Variants in AFF1 observed in about 807,000 individuals in gnomAD.
AFF1 encodes the protein AF4/FMR2 family member 1.
Under a neutral mutation model 121.7 loss-of-function variants are expected in AFF1, and 48 were observed. The observed-to-expected ratio is 0.39, with a 90% CI of 0.31 to 0.50. AFF1 has a LOEUF of 0.50. AFF1 is among the 20% of genes least tolerant of loss of function. The probability of loss-of-function intolerance (pLI) is 0.76; values close to 1 mark genes in which losing one functional copy is unlikely to be tolerated. For synonymous variants in AFF1, 613 were observed against 563.0 expected (o/e 1.09, Z -1.26); for missense variants, 1,523 against 1,511.7 (o/e 1.01, Z -0.12).
intron 2 of AFF1, among the ~76,000 whole-genome samples, chr4:87,011,887 A>AC (rs1726801186): frequency 6.6e-6 from 1 of 152,210 alleles, no homozygotes; most frequent in Non-Finnish European, 1.5e-5. Flanking sequence ...TGGCAAAACT[A>AC]ACTCAAGTGA....
At chr4:86,958,809 C>T (rs1252981491) in intron 2 of AFF1, among the ~76,000 whole-genome samples, 1 of 152,156 alleles carries the variant, frequency 6.6e-6, no homozygotes, top group East Asian at 1.9e-4. Context: ...GGTTTTGTTT[C>T]TTGAGTCTTA....
chr4:86,936,076 TCTC>T (rs1304868200), intron 1 of AFF1: 1 of 152,106 alleles, frequency 6.6e-6, no homozygotes, highest in Non-Finnish European at 1.5e-5. Flanking sequence ...TCCCGGAGCT[TCTC>T]CACCACCAGC....
At chr4:87,123,185 C>T (rs527898081) in intron 12 of AFF1, among the ~76,000 whole-genome samples, 9 of 152,306 alleles carry the variant, frequency 5.9e-5, no homozygotes, top group East Asian at 3.9e-4. Flanking sequence ...TGAGCCACCG[C>T]GCCCAGCCTA....
intron 2 of AFF1, among the ~76,000 whole-genome samples, chr4:86,985,507 CAAAA>C (rs34276113): frequency 1.0e-5 from 1 of 96,504 alleles, no homozygotes. Context: ...GACACTGTCT[CAAAA>C]AAAAAAAAAA....
Position 87,137,937 on chromosome 4 carries a change from C to T in AFF1, c.*2236C>T, listed in dbSNP as rs2149811551. On this transcript the variant is annotated 3_prime_UTR_variant, in exon 21 of 21. Coordinates refer to ENST00000395146, the MANE Select transcript of AFF1 (RefSeq NM_001166693.3). ...GCATGTGCGTGTTCTGTTGGCAAGC[C>T]ACAGTGCTCCCTTGACTGAAGACAT... The T allele has an allele frequency of 4.3e-6, 1 of 231,716 alleles. No individual in the cohort carries two copies. The allele number at this position is 231,716 out of a possible 1,614,324, so 14.4% of individuals were successfully genotyped here. A position where few individuals can be genotyped will look rare whatever the true frequency, so the allele number is the denominator to read the frequency against.
At chr4:87,115,384 G>A in intron 12 of AFF1, 85 bp downstream of exon 12, 1 of 1,330,254 alleles carries the variant, frequency 7.5e-7, no homozygotes, top group Non-Finnish European at 1.0e-6. Flanking sequence ...CTTTGATTTA[G>A]GCCCAGTTGA....
chr4:87,036,798 A>G (rs1000293800), intron 2 of AFF1: 9 of 515,456 alleles, frequency 1.7e-5, no homozygotes, highest in Non-Finnish European at 3.5e-5. Flanking sequence ...CTAATATGGC[A>G]GCAAGTATCT....
intron 5 of AFF1, among the ~76,000 whole-genome samples, chr4:87,089,337 A>C (rs990808842): frequency 6.6e-6 from 1 of 152,236 alleles, no homozygotes; most frequent in Non-Finnish European, 1.5e-5. Context: ...AGATACATAT[A>C]TCAATTGTAA....
chr4:86,943,888 G>T (rs2149444366), intron 1 of AFF1, among the ~76,000 whole-genome samples: 1 of 152,208 alleles, frequency 6.6e-6, no homozygotes, highest in Non-Finnish European at 1.5e-5. Flanking sequence ...CTTGAACCCT[G>T]AAGCGGAGGT....
intron 2 of AFF1, among the ~76,000 whole-genome samples, chr4:86,962,145 C>CTTTTT (rs3035474): frequency 3.3e-5 from 4 of 122,574 alleles, no homozygotes; most frequent in Non-Finnish European, 3.4e-5. Flanking sequence ...GTTATTGTTT[C>CTTTTT]TTTTTTTTTT....
At chr4:86,959,023 T>C (rs1223290847) in intron 2 of AFF1, among the ~76,000 whole-genome samples, 1 of 152,226 alleles carries the variant, frequency 6.6e-6, no homozygotes, top group East Asian at 1.9e-4. Flanking sequence ...TAGAGAGATT[T>C]TTAGTCATCA....
At chr4:87,116,179 G>A (rs1413515747) in intron 12 of AFF1, among the ~76,000 whole-genome samples, 2 of 152,160 alleles carry the variant, frequency 1.3e-5, no homozygotes, top group African/African-American at 2.4e-5. Flanking sequence ...ATAATGGCAC[G>A]TTGCAAAGTG....
chr4:87,052,974 A>G (rs923382376), intron 4 of AFF1, among the ~76,000 whole-genome samples: 3 of 152,076 alleles, frequency 2.0e-5, no homozygotes. Context: ...TAAGAACTCT[A>G]GTTGGGTCAT....
intron 15 of AFF1, 46 bp downstream of exon 15, chr4:87,127,163 G>GTT (rs1491191362): frequency 8.6e-6 from 10 of 1,156,286 alleles, no homozygotes; most frequent in East Asian, 6.4e-5. Flanking sequence ...GTTTTGTTTT[G>GTT]CTTCCCCCCC....
intron 2 of AFF1, among the ~76,000 whole-genome samples, chr4:87,030,722 A>G (rs1219615907): frequency 2.0e-5 from 3 of 152,024 alleles, no homozygotes; most frequent in Non-Finnish European, 4.4e-5. Context: ...GATATGTGGA[A>G]GTCTTGAAAA....
intron 20 of AFF1, among the ~76,000 whole-genome samples, chr4:87,135,293 C>CT (rs775713790): frequency 1.3e-4 from 20 of 150,196 alleles, no homozygotes; most frequent in Admixed American, 4.0e-4. Context: ...ATGCTTTTAA[C>CT]TTTTTTTTTT....
intron 2 of AFF1, among the ~76,000 whole-genome samples, chr4:87,022,270 G>C (rs543934768): frequency 5.7e-4 from 86 of 149,582 alleles, no homozygotes; most frequent in African/African-American, 2.0e-3. Context: ...AAATAGCCCA[G>C]TTAACATTGA....
intron 15 of AFF1, 122 bp from the exon 16 acceptor site, chr4:87,127,520 CT>C (rs1728401196): frequency 1.2e-6 from 1 of 850,490 alleles, no homozygotes; most frequent in African/African-American, 1.7e-5. Flanking sequence ...ACTTCTCCTT[CT>C]TTGTTTACCC....
At chr4:86,957,796 C>T (rs977084055) in intron 2 of AFF1, among the ~76,000 whole-genome samples, 2 of 152,172 alleles carry the variant, frequency 1.3e-5, no homozygotes, top group Non-Finnish European at 2.9e-5. Context: ...CCCACCTCAG[C>T]CTCCCAAAGT....
Sources: allele counts gnomAD v4.1 joint callset (sites outside exome capture counted in the v4.1 genomes callset), GRCh38; gene constraint gnomAD v4.1.1; transcripts MANE v1.5; gene names NCBI Gene and HGNC (gene_info 2026-07-23, HGNC 2026-07-21).